Variants in CSMD2 observed in about 807,000 individuals in gnomAD.
CSMD2 encodes the protein CUB and sushi domain-containing protein 2.
A neutral mutation model predicts 398.5 loss-of-function variants in CSMD2; 130 were observed. That is an observed-to-expected ratio of 0.33 (90% CI 0.28 to 0.38). The LOEUF is 0.38. CSMD2 is among the 10% of genes least tolerant of loss of function. CSMD2 has a pLI of 1.00. For synonymous variants in CSMD2, 1,828 were observed against 1,908.5 expected, an observed-to-expected ratio of 0.96 and a Z score of 1.10; for missense variants, 3,829 against 4,764.9, an observed-to-expected ratio of 0.80 and a Z score of 5.78.
At chr1:33,689,071 A>T (rs1025963421) in intron 25 of CSMD2, among the ~76,000 whole-genome samples, 1 of 142,890 alleles carries the variant, frequency 7.0e-6, no homozygotes, top group African/African-American at 2.6e-5. Context: ...GGAGTGGGAA[A>T]GAAGGAGGGA....
intron 13 of CSMD2, among the ~76,000 whole-genome samples, chr1:33,753,677 C>G (rs912676038): frequency 1.3e-5 from 2 of 152,206 alleles, no homozygotes; most frequent in Non-Finnish European, 2.9e-5. Context: ...AACAGGTGTT[C>G]AAGTCCAACT....
intron 23 of CSMD2, among the ~76,000 whole-genome samples, chr1:33,700,214 G>A (rs1173008052): frequency 6.6e-6 from 1 of 152,062 alleles, no homozygotes; most frequent in Non-Finnish European, 1.5e-5. Context: ...TCACCATCTT[G>A]GCCAGGCTGG....
intron 46 of CSMD2, among the ~76,000 whole-genome samples, chr1:33,584,840 G>GA (rs202237630): frequency 9.5e-4 from 145 of 152,104 alleles, no homozygotes; most frequent in African/African-American, 3.3e-3. Flanking sequence ...TATAGCTAAA[G>GA]AAAAAAATGT....
In CSMD2 at chr1:33,524,910, G is replaced by C; in HGVS notation, c.10368C>G (p.Asp3456Glu). ...ANSKVNATMI[D>E]HSGVELHLAG... is the part of the protein sequence containing the mutation. ...CCAAGTGCAGCTCCACGCCACTGTG[G>C]TCGATCATGGTGGCATTGACCTTGC... The change falls in exon 66 of 71, where the codon GAC (aspartate) becomes GAG (glutamate). Residue 3456 changes from aspartate (D) to glutamate (E), a missense_variant. Coordinates refer to ENST00000373381, the MANE Select transcript of CSMD2 (RefSeq NM_001281956.2). 6.2e-7 allele frequency: 1 copy of C among 1,614,202 alleles called. No homozygotes were observed. The highest frequency in any genetic ancestry group is 8.5e-7 in the Non-Finnish European group (1 of 1,180,038).
chr1:33,852,048 G>A (rs1638747182), intron 5 of CSMD2, among the ~76,000 whole-genome samples: 1 of 152,020 alleles, frequency 6.6e-6, no homozygotes, highest in Non-Finnish European at 1.5e-5. Flanking sequence ...ACTATGCTCT[G>A]AACAAACCAA....
chr1:34,001,666 C>T (rs1044645301), intron 3 of CSMD2, among the ~76,000 whole-genome samples: 1 of 152,156 alleles, frequency 6.6e-6, no homozygotes, highest in Admixed American at 6.5e-5. Flanking sequence ...CAAAATACAA[C>T]ACTTGGAATG....
Position 33,662,909 on chromosome 1 carries a change from G to C in CSMD2, c.4236C>G (p.Gly1412=), listed in dbSNP as rs1204845434. Reference sequence around the variant, plus strand: ...ACAGACCTGAAAATTGAATGGCAAAGCCCTGCTTGCTGGTGAAGAAGTCAG... The same window carrying C: ...ACAGACCTGAAAATTGAATGGCAAACCCCTGCTTGCTGGTGAAGAAGTCAG... ...FSTDFFTSKQ[G]FAIQFSVSTA... The change falls in exon 26 of 71, where the codon GGC becomes GGG. Residue 1412 remains glycine (G), a synonymous_variant. Transcript: ENST00000373381. 6.2e-7 allele frequency: 1 copy of C among 1,614,076 alleles called. No homozygotes were observed.
chr1:33,521,359 G>A (rs1279360934), intron 68 of CSMD2, 104 bp downstream of exon 68: 4 of 789,714 alleles, frequency 5.1e-6, no homozygotes, highest in Non-Finnish European at 9.0e-6. Flanking sequence ...AAGCACCCCC[G>A]CCTCAGACTG....
intron 5 of CSMD2, among the ~76,000 whole-genome samples, chr1:33,888,749 A>G (rs1641766498): frequency 1.2e-5 from 1 of 84,382 alleles, no homozygotes; most frequent in Non-Finnish European, 2.3e-5. Flanking sequence ...CAGGAGATCA[A>G]CTGATTTTTG....
rs1174138430 is a variant in CSMD2, at chr1:34,164,640, T to C, written c.187+271A>G. Among the ~76,000 whole-genome samples the C allele has an allele frequency of 6.6e-6, 1 of 152,022 alleles. No individual in the cohort carries two copies. The highest frequency in any genetic ancestry group is 1.5e-5 in the Non-Finnish European group (1 of 67,998). ...CCCCGCAACCCCGGGCGGGGATGTC[T>C]GTCTCCCAGGCCCCCACACCGGCCG... On this transcript the variant is annotated intron_variant, in intron 1 of 70. Transcript: ENST00000373381. The surrounding 1 kb of genome is among the most constrained non-coding windows in gnomAD (Gnocchi z 6.2).
Position 33,847,000 on chromosome 1 carries a change from T to C in CSMD2, c.921-4A>G, listed in dbSNP as rs1295717525. 7 of 1,604,732 alleles carry C rather than the reference T, an allele frequency of 4.4e-6. No individual in the cohort carries two copies. Among genetic ancestry groups the C allele is most frequent in the African/African-American group, 1.3e-5 (1 of 74,496 alleles). On this transcript the variant is annotated splice_polypyrimidine_tract_variant and splice_region_variant and intron_variant, in intron 5 of 70. Coordinates refer to ENST00000373381, the MANE Select transcript of CSMD2 (RefSeq NM_001281956.2). ...TGGGAGGCTGGCTCCGGTGAACCTG[T>C]GGGAACAGGAAGCAGATGGGCTCAG...
rs928827884 is a variant in CSMD2, at chr1:33,592,236, G to A, written c.6857-5068C>T. 9.5e-6 allele frequency: 6 copies of A among 629,262 alleles called. No homozygotes were observed. In the African/African-American group the frequency reaches 1.1e-4, roughly 11 times the overall value. The allele number at this position is 629,262 out of a possible 1,614,324, so 39.0% of individuals were successfully genotyped here. A position where few individuals can be genotyped will look rare whatever the true frequency, so the allele number is the denominator to read the frequency against. On this transcript the variant is annotated intron_variant, in intron 44 of 70. Transcript: ENST00000373381. The stretch of plus-strand genomic sequence containing the variant: ...TCAATCATTCTCTTTCTGCACATAG[G>A]ATTGTTCTACTTTTTGGTCCACATG...
chr1:34,016,385 ATGAG>A (rs558139565), intron 3 of CSMD2, among the ~76,000 whole-genome samples: 54 of 151,510 alleles, frequency 3.6e-4, no homozygotes, highest in Middle Eastern at 6.8e-3. Context: ...ACTCCCACTT[ATGAG>A]TGAGAACATG....
At chr1:34,027,956 A>G (rs1438072244) in intron 3 of CSMD2, among the ~76,000 whole-genome samples, 1 of 152,166 alleles carries the variant, frequency 6.6e-6, no homozygotes, top group Non-Finnish European at 1.5e-5. Context: ...CCTGGGGCCT[A>G]TTTTCAGACT....
At chr1:33,789,129 A>G (rs1306805260) in intron 11 of CSMD2, among the ~76,000 whole-genome samples, 1 of 152,130 alleles carries the variant, frequency 6.6e-6, no homozygotes, top group Non-Finnish European at 1.5e-5. Context: ...TGCTGTCTTT[A>G]TGTGGGTTTC....
At chr1:34,015,275 C>T (rs1647928169) in intron 3 of CSMD2, among the ~76,000 whole-genome samples, 1 of 152,220 alleles carries the variant, frequency 6.6e-6, no homozygotes, top group South Asian at 2.1e-4. Flanking sequence ...GTGAGCTCTG[C>T]TGTTATCTCA....
At chr1:33,651,508 G>C (rs1571092188) in intron 28 of CSMD2, among the ~76,000 whole-genome samples, 1 of 152,346 alleles carries the variant, frequency 6.6e-6, no homozygotes, top group East Asian at 1.9e-4. Context: ...TATAAGAGGA[G>C]AGTGGAGACA....
intron 47 of CSMD2, 130 bp downstream of exon 47, chr1:33,583,512 T>G: frequency 1.1e-6 from 1 of 881,062 alleles, no homozygotes. Context: ...GGGGTTGCTG[T>G]GGTAGGGAAG....
intron 6 of CSMD2, among the ~76,000 whole-genome samples, chr1:33,840,524 TG>T (rs1388267706): frequency 1.3e-5 from 2 of 152,210 alleles, no homozygotes; most frequent in African/African-American, 4.8e-5. Flanking sequence ...CCCATGAGCT[TG>T]TGCATCTATA....
Sources: allele counts gnomAD v4.1 joint callset (sites outside exome capture counted in the v4.1 genomes callset), GRCh38; gene constraint gnomAD v4.1.1; non-coding constraint Gnocchi (gnomAD v3.1); transcripts MANE v1.5; gene names NCBI Gene and HGNC (gene_info 2026-07-23, HGNC 2026-07-21).